DTNBP1: variants seen among roughly 807,000 people sequenced by gnomAD.
DTNBP1 encodes the protein dystrobrevin binding protein 1.
In DTNBP1, 35 loss-of-function variants were observed where a neutral mutation model predicts 42.8. That is an observed-to-expected ratio of 0.82 (90% CI 0.63 to 1.09). DTNBP1 has a LOEUF of 1.09. Ranked by LOEUF, DTNBP1 falls within the 50% of genes least tolerant of loss-of-function variation. The probability of loss-of-function intolerance (pLI) is 0.00; values close to 1 mark genes in which losing one functional copy is unlikely to be tolerated. For synonymous variants in DTNBP1, 171 were observed against 162.2 expected, an observed-to-expected ratio of 1.05 and a Z score of -0.41; for missense variants, 457 against 424.2, an observed-to-expected ratio of 1.08 and a Z score of -0.68.
chr6:15,581,457 C>T (rs1775828747), intron 7 of DTNBP1, among the ~76,000 whole-genome samples: 1 of 146,734 alleles, frequency 6.8e-6, no homozygotes, highest in Non-Finnish European at 1.5e-5. Flanking sequence ...GGATTACAGG[C>T]ATGAGCCACC....
chr6:15,640,388 C>G (rs1760275672), intron 3 of DTNBP1, among the ~76,000 whole-genome samples: 1 of 152,166 alleles, frequency 6.6e-6, no homozygotes, highest in South Asian at 2.1e-4. Context: ...ACTCAAACGT[C>G]TTTAAAAATC....
At chr6:15,657,529 C>T (rs1761351244) in intron 1 of DTNBP1, among the ~76,000 whole-genome samples, 1 of 152,172 alleles carries the variant, frequency 6.6e-6, no homozygotes, top group African/African-American at 2.4e-5. Flanking sequence ...TACCCCATCC[C>T]CTATCTTCCT....
chr6:15,540,704 C>T (rs1264910154), intron 7 of DTNBP1, among the ~76,000 whole-genome samples: 8 of 152,086 alleles, frequency 5.3e-5, no homozygotes, highest in South Asian at 2.1e-4. Flanking sequence ...TGCAGTGGCG[C>T]GATCTCGGCT....
intron 5 of DTNBP1, among the ~76,000 whole-genome samples, chr6:15,616,928 G>A: frequency 6.6e-6 from 1 of 152,162 alleles, no homozygotes; most frequent in East Asian, 1.9e-4. Flanking sequence ...CAGTAAAGTT[G>A]CAGGATACAA....
chr6:15,555,312 T>G (rs143974608), intron 7 of DTNBP1, among the ~76,000 whole-genome samples: 4 of 152,060 alleles, frequency 2.6e-5, no homozygotes, highest in Admixed American at 2.0e-4. Flanking sequence ...TCAAAGGCAT[T>G]AGAACCAGAG....
intron 8 of DTNBP1, among the ~76,000 whole-genome samples, chr6:15,529,142 C>T (rs949410276): frequency 1.3e-5 from 2 of 152,030 alleles, no homozygotes; most frequent in Non-Finnish European, 2.9e-5. Context: ...AAAATTAGCC[C>T]GGCATGGTGG....
chr6:15,651,202 A>C (rs916888472), intron 3 of DTNBP1, 111 bp downstream of exon 3: 2 of 966,144 alleles, frequency 2.1e-6, no homozygotes, highest in Admixed American at 2.0e-5. Context: ...CAATCACTGC[A>C]TTAAGATAAA....
At chr6:15,609,885 T>A (rs569761620) in intron 6 of DTNBP1, among the ~76,000 whole-genome samples, 17 of 152,320 alleles carry the variant, frequency 1.1e-4, no homozygotes, top group Admixed American at 4.6e-4. Context: ...AATATCCATA[T>A]CTGCAGGCCT....
chr6:15,606,224 T>C lies in DTNBP1; in HGVS notation c.488+9043A>G, dbSNP rs180751517. The stretch of plus-strand genomic sequence containing the variant: ...TGTCACGTTTATTTTATTTTGTGTT[T>C]ATTTATTTTATAATGGGTCACAGTC... On this transcript the variant is annotated intron_variant, in intron 6 of 9. Transcript: ENST00000344537. 2.3e-3 allele frequency among the ~76,000 whole-genome samples: 353 copies of C among 152,366 alleles called. 8 individuals are homozygous for C. Among genetic ancestry groups the C allele is most frequent in the Admixed American group, 0.019 (284 of 15,302 alleles).
At chr6:15,622,518 C>A (rs1435698624) in intron 5 of DTNBP1, among the ~76,000 whole-genome samples, 1 of 152,162 alleles carries the variant, frequency 6.6e-6, no homozygotes, top group African/African-American at 2.4e-5. Context: ...CTGCTCATTT[C>A]CTGTTGCAAA....
intron 3 of DTNBP1, among the ~76,000 whole-genome samples, chr6:15,642,028 G>A (rs902548151): frequency 1.3e-5 from 2 of 152,090 alleles, no homozygotes; most frequent in Admixed American, 6.5e-5. Flanking sequence ...ACATGCACTC[G>A]GACACACAGC....
chr6:15,526,891 T>A (rs1440783234), intron 8 of DTNBP1, among the ~76,000 whole-genome samples: 2 of 152,146 alleles, frequency 1.3e-5, no homozygotes, highest in African/African-American at 4.8e-5. Flanking sequence ...AATAAGATGG[T>A]AATGGGTGTG....
chr6:15,547,301 G>T (rs1162065074), intron 7 of DTNBP1, among the ~76,000 whole-genome samples: 1 of 152,144 alleles, frequency 6.6e-6, no homozygotes, highest in Non-Finnish European at 1.5e-5. Context: ...TCACCTACAG[G>T]ACTAGTGAAC....
intron 7 of DTNBP1, among the ~76,000 whole-genome samples, chr6:15,569,385 TCA>T (rs1775243566): frequency 9.1e-6 from 1 of 110,374 alleles, no homozygotes; most frequent in African/African-American, 3.7e-5. Flanking sequence ...AGGAACGAAA[TCA>T]GCGTGAGAAT....
At chr6:15,600,693 G>A (rs1322772364) in intron 6 of DTNBP1, among the ~76,000 whole-genome samples, 1 of 152,162 alleles carries the variant, frequency 6.6e-6, no homozygotes, top group East Asian at 1.9e-4. Context: ...AGGAAATATT[G>A]GGCTGGACTG....
chr6:15,627,347 A>G lies in DTNBP1; in HGVS notation c.351T>C (p.Asn117=), dbSNP rs1759406647. The G allele has an allele frequency of 6.2e-7, 1 of 1,612,896 alleles. No individual in the cohort carries two copies. The highest frequency in any genetic ancestry group is 8.5e-7 in the Non-Finnish European group (1 of 1,179,552). The change falls in exon 5 of 10, where the codon AAT becomes AAC. Residue 117 remains asparagine (N), a synonymous_variant. Transcript: ENST00000344537. ...LIADLESMTA[N]LTHLEASFEE... ...CAATGAAAACATTGGACTTACTCAG[A>G]TTTGCTGTCATGGATTCTAAGTCTG...
intron 7 of DTNBP1, among the ~76,000 whole-genome samples, chr6:15,563,324 G>T (rs896580838): frequency 6.6e-6 from 1 of 152,148 alleles, no homozygotes; most frequent in Non-Finnish European, 1.5e-5. Context: ...TCCTGAATAT[G>T]ACAGCAAAAG....
chr6:15,654,690 G>A (rs182187325), intron 1 of DTNBP1, among the ~76,000 whole-genome samples: 26 of 152,176 alleles, frequency 1.7e-4, no homozygotes, highest in Admixed American at 1.7e-3. Context: ...ACAGGGAACA[G>A]AAAGTAAAAT....
intron 6 of DTNBP1, among the ~76,000 whole-genome samples, chr6:15,608,777 G>A (rs1758220689): frequency 6.6e-6 from 1 of 152,186 alleles, no homozygotes; most frequent in Non-Finnish European, 1.5e-5. Flanking sequence ...TTTCGGCATT[G>A]TTGCTGAAAA....
Sources: gnomAD v4.1 joint callset for allele counts (sites outside exome capture counted in the v4.1 genomes callset) on GRCh38, gnomAD v4.1.1 for gene constraint, MANE v1.5 for transcripts, NCBI Gene and HGNC (gene_info 2026-07-23, HGNC 2026-07-21) for gene names.